The following STXBP3 variants were observed in gnomAD, a reference collection of about 807,000 sequenced individuals.
STXBP3 encodes the protein syntaxin-binding protein 3.
A neutral mutation model predicts 85.7 loss-of-function variants in STXBP3; 41 were observed. The ratio of observed to expected loss-of-function variants is 0.48; its 90% CI spans 0.37 to 0.62. The LOEUF is 0.62. Among genes scored for constraint, STXBP3 ranks in the 20% least tolerant of loss-of-function variants. The pLI, the probability that STXBP3 is intolerant of heterozygous loss-of-function variation, is 0.00. For missense variants in STXBP3, 563 were observed against 703.1 expected, an observed-to-expected ratio of 0.80 and a Z score of 2.25; for synonymous variants, 229 against 231.7, an observed-to-expected ratio of 0.99 and a Z score of 0.10.
chr1:108,773,062 A>G (rs556363572), intron 7 of STXBP3, among the ~76,000 whole-genome samples: 3 of 152,300 alleles, frequency 2.0e-5, no homozygotes, highest in African/African-American at 4.8e-5. Flanking sequence ...ATCAGTTTAA[A>G]GAACGCTTAG....
intron 8 of STXBP3, 98 bp from the exon 9 acceptor site, chr1:108,779,188 G>C: frequency 7.6e-7 from 1 of 1,321,356 alleles, no homozygotes; most frequent in South Asian, 1.7e-5. Context: ...AAAAGGGACA[G>C]AACTTAGGAA....
At chr1:108,772,910 T>C in intron 7 of STXBP3, 91 bp downstream of exon 7, 1 of 1,255,564 alleles carries the variant, frequency 8.0e-7, no homozygotes, top group Non-Finnish European at 1.0e-6. Flanking sequence ...CATGTTGGTT[T>C]GCAAAATTTA....
intron 6 of STXBP3, among the ~76,000 whole-genome samples, chr1:108,761,299 T>C (rs549844443): frequency 6.7e-6 from 1 of 148,438 alleles, no homozygotes; most frequent in African/African-American, 2.5e-5. Flanking sequence ...AAAGTTTCCT[T>C]TAAACTTATT....
At chr1:108,748,524 A>C (rs1661840200) in intron 1 of STXBP3, among the ~76,000 whole-genome samples, 1 of 151,930 alleles carries the variant, frequency 6.6e-6, no homozygotes, top group African/African-American at 2.4e-5. Context: ...CCTGAGTCTA[A>C]ATAAATAAAT....
intron 6 of STXBP3, chr1:108,767,721 C>A (rs1038599221): frequency 6.5e-6 from 1 of 152,718 alleles, no homozygotes; most frequent in South Asian, 2.0e-4. Context: ...GTAGCTGGGA[C>A]CACAGATGCA....
intron 11 of STXBP3, among the ~76,000 whole-genome samples, chr1:108,789,287 AT>A (rs1474458386): frequency 6.6e-6 from 1 of 152,102 alleles, no homozygotes; most frequent in Non-Finnish European, 1.5e-5. Context: ...CCCAACACAA[AT>A]TTGTAAACTT....
intron 11 of STXBP3, 61 bp downstream of exon 11, chr1:108,782,767 A>G (rs1662742891): frequency 6.9e-7 from 1 of 1,443,842 alleles, no homozygotes; most frequent in Non-Finnish European, 9.4e-7. Flanking sequence ...TTTGTTTAAA[A>G]TCTTTATTTT....
intron 2 of STXBP3, 59 bp from the exon 3 acceptor site, chr1:108,753,004 T>C: frequency 2.9e-6 from 4 of 1,362,354 alleles, no homozygotes; most frequent in Non-Finnish European, 4.0e-6. Context: ...ATAAAATTCT[T>C]TTTTTCATTC....
intron 11 of STXBP3, among the ~76,000 whole-genome samples, chr1:108,786,471 G>A (rs1184217949): frequency 6.6e-6 from 1 of 152,210 alleles, no homozygotes; most frequent in Non-Finnish European, 1.5e-5. Context: ...GATTTATGGT[G>A]TGAGGTAAGG....
chr1:108,792,184 T>C (rs1180891482), intron 11 of STXBP3, among the ~76,000 whole-genome samples: 1 of 152,212 alleles, frequency 6.6e-6, no homozygotes, highest in Non-Finnish European at 1.5e-5. Flanking sequence ...AGGACATTCA[T>C]TGGATTTTTA....
chr1:108,792,743 A>G (rs896379480), intron 11 of STXBP3, among the ~76,000 whole-genome samples: 5 of 152,186 alleles, frequency 3.3e-5, no homozygotes, highest in Admixed American at 3.3e-4. Context: ...GTCTCTACAC[A>G]GAATGTTGAG....
intron 3 of STXBP3, among the ~76,000 whole-genome samples, chr1:108,754,076 A>G (rs1397684494): frequency 7.3e-6 from 1 of 136,954 alleles, no homozygotes; most frequent in South Asian, 2.3e-4. Context: ...TCTGTCACCC[A>G]GGCTGGAGTG....
At chr1:108,761,789 A>G (rs1316750677) in intron 6 of STXBP3, among the ~76,000 whole-genome samples, 1 of 152,034 alleles carries the variant, frequency 6.6e-6, no homozygotes, top group Non-Finnish European at 1.5e-5. Flanking sequence ...TGGCCAACAT[A>G]GTAAAACCCC....
chr1:108,805,118 A>G (rs1178366164), intron 17 of STXBP3, among the ~76,000 whole-genome samples: 2 of 152,196 alleles, frequency 1.3e-5, no homozygotes, highest in Non-Finnish European at 2.9e-5. Flanking sequence ...AACAAATTAA[A>G]TATAATCCCG....
At chr1:108,769,194 A>G (rs1662329964) in intron 6 of STXBP3, among the ~76,000 whole-genome samples, 1 of 152,230 alleles carries the variant, frequency 6.6e-6, no homozygotes, top group Non-Finnish European at 1.5e-5. Context: ...TTACTATTAA[A>G]TAGAAGTGGA....
chr1:108,776,365 A>G lies in STXBP3; in HGVS notation c.626A>G (p.Gln209Arg), dbSNP rs1275860312. 7 of 1,609,578 alleles carry G rather than the reference A, an allele frequency of 4.3e-6. No individual in the cohort carries two copies. The highest frequency in any genetic ancestry group is 5.9e-6 in the Non-Finnish European group (7 of 1,177,738). The change falls in exon 8 of 19, where the codon CAG (glutamine) becomes CGG (arginine). Residue 209 changes from glutamine (Q) to arginine (R), a missense_variant. Gln to Arg is a conservative substitution (Grantham distance 43). This residue lies in a region of STXBP3 where 494 missense variants were observed against 592.8 expected (regional missense o/e 0.83). Transcript: ENST00000370008. ...CTAGATAATGCCAGTAAGCTTGCAC[A>G]GCTTGTTGAAAAAAAGCTTGAAGAC... ...KPLDNASKLAQLVEKKLEDYY... is the reference protein window; with the variant it reads ...KPLDNASKLARLVEKKLEDYY...
intron 6 of STXBP3, among the ~76,000 whole-genome samples, chr1:108,765,438 G>A (rs1187936466): frequency 1.3e-5 from 2 of 152,096 alleles, no homozygotes; most frequent in African/African-American, 4.8e-5. Flanking sequence ...AAACAATCTA[G>A]TTCCCTCAAC....
At chr1:108,754,888 C>T (rs1387356629) in intron 3 of STXBP3, among the ~76,000 whole-genome samples, 1 of 152,158 alleles carries the variant, frequency 6.6e-6, no homozygotes, top group East Asian at 1.9e-4. Flanking sequence ...TCCAGAACCA[C>T]CTAAGTTTGC....
At position 108,759,991 on chromosome 1, in the gene STXBP3, C is replaced by T; in HGVS notation, c.344C>T (p.Pro115Leu). The change falls in exon 6 of 19, where the codon CCT becomes CTT. Residue 115 changes from proline to leucine, a missense_variant. This residue lies in a region of STXBP3 where 494 missense variants were observed against 592.8 expected (regional missense o/e 0.83). Transcript: ENST00000370008. ...AAYIYFTDFC[P>L]DNLFNKIKAS... Reference sequence around the variant, plus strand: ...TGTTTTTTTTTCCCCTCAGTTTGCCCTGATAATCTCTTTAACAAAATTAAG... The same window carrying T: ...TGTTTTTTTTTCCCCTCAGTTTGCCTTGATAATCTCTTTAACAAAATTAAG... The T allele has an allele frequency of 6.4e-7, 1 of 1,561,082 alleles. No homozygotes were observed. The highest frequency in any genetic ancestry group is 8.6e-7 in the Non-Finnish European group (1 of 1,158,340).
Sources: allele counts gnomAD v4.1 joint callset (sites outside exome capture counted in the v4.1 genomes callset), GRCh38; gene constraint gnomAD v4.1.1; regional missense constraint gnomAD v4.1.1; transcripts MANE v1.5; gene names NCBI Gene and HGNC (gene_info 2026-07-23, HGNC 2026-07-21).